The following CORO1C variants were observed in gnomAD, a reference collection of about 807,000 sequenced individuals.
CORO1C encodes the protein coronin-1C.
A neutral mutation model predicts 51.2 loss-of-function variants in CORO1C; 14 were observed. The observed-to-expected ratio is 0.27, with a 90% confidence interval of 0.18 to 0.43. The LOEUF (loss-of-function observed/expected upper bound fraction) is 0.43, where lower values mean the gene tolerates loss of function less well. Ranked by LOEUF, CORO1C falls within the 20% of genes least tolerant of loss-of-function variation. CORO1C has a pLI of 1.00. For missense variants in CORO1C, 417 were observed against 607.8 expected (o/e 0.69, Z 3.30); for synonymous variants, 181 against 210.5 (o/e 0.86, Z 1.21).
Position 108,652,244 on chromosome 12 carries a change from AGAATACTT to A in CORO1C, c.1001+20_1001+27del, listed in dbSNP as rs777670099. On this transcript the variant is annotated intron_variant, in intron 8 of 10. Coordinates refer to ENST00000261401, the MANE Select transcript of CORO1C (RefSeq NM_014325.4). ...AATTGTCACACAGTTACACCAACCT[AGAATACTT>A]GACAATCTCGATTCTTTACCTGGCA... 3 of 1,607,800 alleles carry A rather than the reference AGAATACTT, an allele frequency of 1.9e-6. No homozygotes were observed. The highest frequency in any genetic ancestry group is 1.7e-6 in the Non-Finnish European group (2 of 1,175,134).
intron 1 of CORO1C, among the ~76,000 whole-genome samples, chr12:108,725,825 T>TTTA (rs541689033): frequency 3.0e-3 from 455 of 151,934 alleles, no homozygotes; most frequent in African/African-American, 7.0e-3. Context: ...TTATTTATTT[T>TTTA]TTTGAGACGG....
At chr12:108,721,197 C>A (rs1383308878) in intron 1 of CORO1C, among the ~76,000 whole-genome samples, 1 of 152,206 alleles carries the variant, frequency 6.6e-6, no homozygotes, top group African/African-American at 2.4e-5. Context: ...CTTTATAACT[C>A]CATAACCAAA....
At chr12:108,689,775 T>C (rs1412698457) in intron 2 of CORO1C, among the ~76,000 whole-genome samples, 2 of 152,222 alleles carry the variant, frequency 1.3e-5, no homozygotes, top group African/African-American at 4.8e-5. Flanking sequence ...TAGGAAAAAA[T>C]GAGTATCAAA....
chr12:108,722,722 C>T (rs2035501164), intron 1 of CORO1C, among the ~76,000 whole-genome samples: 1 of 152,190 alleles, frequency 6.6e-6, no homozygotes, highest in Non-Finnish European at 1.5e-5. Context: ...ACCAAATGTA[C>T]ACACTGCCTG....
intron 3 of CORO1C, among the ~76,000 whole-genome samples, chr12:108,670,093 T>TA (rs1287769392): frequency 6.6e-6 from 1 of 152,030 alleles, no homozygotes; most frequent in Non-Finnish European, 1.5e-5. Flanking sequence ...AGTCCCTCCG[T>TA]AAAAAGACAG....
intron 3 of CORO1C, among the ~76,000 whole-genome samples, chr12:108,671,341 G>C (rs553674658): frequency 1.3e-5 from 2 of 151,788 alleles, no homozygotes; most frequent in South Asian, 2.1e-4. Context: ...AGAAAGAAAA[G>C]GAGTGGGGGG....
chr12:108,703,032 G>C (rs1370005901), intron 1 of CORO1C: 4 of 1,284,908 alleles, frequency 3.1e-6, no homozygotes, highest in African/African-American at 3.0e-5. Flanking sequence ...CTTCTCAAGC[G>C]TGAGTTAGAT....
chr12:108,722,786 A>C (rs1412620680), intron 1 of CORO1C, among the ~76,000 whole-genome samples: 2 of 152,190 alleles, frequency 1.3e-5, no homozygotes. Flanking sequence ...TCAGAGAAAC[A>C]CACAGTTCAT....
intron 2 of CORO1C, among the ~76,000 whole-genome samples, chr12:108,683,053 T>A (rs970286335): frequency 6.6e-6 from 1 of 152,198 alleles, no homozygotes; most frequent in Non-Finnish European, 1.5e-5. Context: ...TAGAAAAGAC[T>A]GAAAATTAAT....
rs1383483635 is a variant in CORO1C, at chr12:108,701,153, C to T, written c.166G>A (p.Gly56Arg). 1 of 1,614,026 alleles carries T rather than the reference C, an allele frequency of 6.2e-7. No homozygotes were observed. Among genetic ancestry groups the T allele is most frequent in the African/African-American group, 1.3e-5 (1 of 74,900 alleles). ...VAIIIEASGG[G>R]AFLVLPLHKT... ...TGCAGAGGGAGGACAAGGAACGCTCCTCCCCCACTTGCCTCTATGATTATG... is the reference window on the plus strand; with the variant it reads ...TGCAGAGGGAGGACAAGGAACGCTCTTCCCCCACTTGCCTCTATGATTATG... The change falls in exon 2 of 11, where the codon GGA becomes AGA. Residue 56 changes from glycine (G) to arginine (R), a missense_variant. Gly to Arg is a moderately radical substitution (Grantham distance 125, BLOSUM62 -2). Coordinates refer to ENST00000261401, the MANE Select transcript of CORO1C (RefSeq NM_014325.4).
At chr12:108,705,726 C>T (rs1333823826) in intron 1 of CORO1C, among the ~76,000 whole-genome samples, 4 of 151,994 alleles carry the variant, frequency 2.6e-5, no homozygotes, top group Admixed American at 2.6e-4. Flanking sequence ...CTCAACAATA[C>T]CAGCAAACGA....
intron 10 of CORO1C, among the ~76,000 whole-genome samples, chr12:108,648,000 T>C (rs1046886114): frequency 2.0e-5 from 3 of 152,034 alleles, no homozygotes; most frequent in Admixed American, 1.3e-4. Flanking sequence ...GTCCACTCCT[T>C]CTCTCTTACC....
intron 2 of CORO1C, among the ~76,000 whole-genome samples, chr12:108,697,392 C>A (rs1181074983): frequency 6.6e-6 from 1 of 152,194 alleles, no homozygotes; most frequent in Non-Finnish European, 1.5e-5. Context: ...TTTTAAGGTT[C>A]GTGTTTAAAA....
At chr12:108,719,895 GCTAACCAGGCCAGGCACAGTGGCTCACGC>G (rs1441918079) in intron 1 of CORO1C, among the ~76,000 whole-genome samples, 1 of 152,130 alleles carries the variant, frequency 6.6e-6, no homozygotes, top group Non-Finnish European at 1.5e-5. Flanking sequence ...AGTCAAACTT[GCTAACCAGGCCAGGCACAGTGGCTCACGC>G]CTATAATCCC....
rs979679664 is a variant in CORO1C at position 108,702,865 on chromosome 12, A to T, written c.-5-1542T>A. ...GCATGTAGCCGGGCTGAAGTAAGAG[A>T]CCCTTGGCAGGCAATTGAGCATCCA... On this transcript the variant is annotated intron_variant, in intron 1 of 10. Transcript: ENST00000261401. 6 of 1,535,512 alleles carry T rather than the reference A, an allele frequency of 3.9e-6. No individual in the cohort carries two copies. In the African/African-American group the frequency reaches 8.2e-5, roughly 21 times the overall value.
chr12:108,682,004 A>G (rs1440402403), intron 2 of CORO1C, among the ~76,000 whole-genome samples: 1 of 149,972 alleles, frequency 6.7e-6, no homozygotes, highest in African/African-American at 2.4e-5. Flanking sequence ...ATCCAAATGC[A>G]GAGTAAATAC....
chr12:108,702,144 CTT>C (rs1310029546), intron 1 of CORO1C, among the ~76,000 whole-genome samples: 3 of 152,174 alleles, frequency 2.0e-5, no homozygotes, highest in Non-Finnish European at 4.4e-5. Context: ...CACTGGACAG[CTT>C]ACACAGGAAC....
Position 108,712,404 on chromosome 12 carries a change from T to C in CORO1C, c.-5-11081A>G, listed in dbSNP as rs1290520413. Among the ~76,000 whole-genome samples the C allele has an allele frequency of 2.0e-5, 3 of 151,580 alleles. No individual in the cohort carries two copies. In the East Asian group the frequency reaches 5.8e-4, roughly 29 times the overall value. On this transcript the variant is annotated intron_variant, in intron 1 of 10. Transcript: ENST00000261401. ...GCCTGGCCAACATGGTGAAACTCCA[T>C]CTCTAGTAAAATACAAAAAATCAGG... is the stretch of plus-strand genomic sequence containing the variant.
At chr12:108,652,535 C>A in intron 7 of CORO1C, 118 bp from the exon 8 acceptor site, 1 of 741,474 alleles carries the variant, frequency 1.3e-6, no homozygotes, top group Non-Finnish European at 2.3e-6. Context: ...AGTAGCTGAC[C>A]TTTTCTTCCT....
Sources: gnomAD v4.1 joint callset for allele counts (sites outside exome capture counted in the v4.1 genomes callset) on GRCh38, gnomAD v4.1.1 for gene constraint, MANE v1.5 for transcripts, NCBI Gene and HGNC (gene_info 2026-07-23, HGNC 2026-07-21) for gene names.